RGS6: variants seen among roughly 807,000 people sequenced by gnomAD.
The protein encoded by RGS6 is regulator of G-protein signaling 6.
Under a neutral mutation model 78.5 loss-of-function variants are expected in RGS6, and 30 were observed. The observed-to-expected ratio is 0.38, with a 90% confidence interval of 0.29 to 0.52. The LOEUF is 0.52. RGS6 is among the 20% of genes least tolerant of loss of function. The pLI is 0.85. For missense variants in RGS6, 495 were observed against 609.7 expected (o/e 0.81, Z 1.98); for synonymous variants, 206 against 206.0 (o/e 1.00, Z 0.00).
chr14:71,974,022 G>A (rs1397560462), intron 2 of RGS6, among the ~76,000 whole-genome samples: 1 of 152,112 alleles, frequency 6.6e-6, no homozygotes, highest in African/African-American at 2.4e-5. Flanking sequence ...CCTTTGGTGT[G>A]TTTACGTCTT....
intron 2 of RGS6, among the ~76,000 whole-genome samples, chr14:72,137,431 G>C (rs768107065): frequency 4.6e-5 from 7 of 152,200 alleles, no homozygotes; most frequent in Non-Finnish European, 7.3e-5. Context: ...GATAGCCTCA[G>C]ATCTCACAGG....
the RGS6 span, among the ~76,000 whole-genome samples, chr14:71,887,012 T>C: frequency 6.6e-6 from 1 of 152,116 alleles, no homozygotes; most frequent in Non-Finnish European, 1.5e-5. Context: ...TAGTCAGGCA[T>C]GTTGGTGGGC....
intron 2 of RGS6, among the ~76,000 whole-genome samples, chr14:72,336,374 T>C (rs553803326): frequency 6.6e-6 from 1 of 152,296 alleles, no homozygotes; most frequent in Non-Finnish European, 1.5e-5. Flanking sequence ...AGACAGAGTA[T>C]TGGCTTTCAG....
At chr14:72,497,011 A>G (rs2096654036) in intron 13 of RGS6, among the ~76,000 whole-genome samples, 2 of 152,212 alleles carry the variant, frequency 1.3e-5, no homozygotes, top group Non-Finnish European at 2.9e-5. Flanking sequence ...GATCATAAAT[A>G]TTTAGCTTAT....
the RGS6 span, among the ~76,000 whole-genome samples, chr14:72,583,805 C>G: frequency 1.3e-5 from 2 of 152,314 alleles, no homozygotes; most frequent in South Asian, 4.1e-4. Context: ...CAGTTTGGAT[C>G]TGACTCCTGG....
At chr14:72,473,459 T>A (rs891813027) in intron 9 of RGS6, among the ~76,000 whole-genome samples, 4 of 151,986 alleles carry the variant, frequency 2.6e-5, no homozygotes, top group African/African-American at 7.3e-5. Flanking sequence ...AAAAAAAAAA[T>A]TATTCATTCC....
At chr14:72,171,079 C>T (rs2097008174) in intron 2 of RGS6, among the ~76,000 whole-genome samples, 1 of 152,090 alleles carries the variant, frequency 6.6e-6, no homozygotes, top group South Asian at 2.1e-4. Context: ...ATTAAATAAC[C>T]AGCATGTCTA....
intron 3 of RGS6, among the ~76,000 whole-genome samples, chr14:72,445,988 G>C (rs373443573): frequency 6.6e-6 from 1 of 152,150 alleles, no homozygotes; most frequent in African/African-American, 2.4e-5. Context: ...GCCAGTCATC[G>C]TGGTTCACAC....
chr14:72,292,258 T>TTGTTC (rs1663599615), intron 2 of RGS6, among the ~76,000 whole-genome samples: 1 of 152,128 alleles, frequency 6.6e-6, no homozygotes, highest in Non-Finnish European at 1.5e-5. Context: ...CAGCTGTCGT[T>TTGTTC]TGTTCTCCTC....
intron 2 of RGS6, among the ~76,000 whole-genome samples, chr14:72,157,179 A>G (rs149683): frequency 0.68 from 103,503 of 152,098 alleles, 35,341 homozygotes; most frequent in African/African-American, 0.72. Flanking sequence ...GAGAAAAATA[A>G]CATTTGAACA....
At chr14:72,123,919 G>C (rs2096122447) in intron 2 of RGS6, among the ~76,000 whole-genome samples, 1 of 152,184 alleles carries the variant, frequency 6.6e-6, no homozygotes, top group Non-Finnish European at 1.5e-5. Flanking sequence ...GAAGGACTGA[G>C]TACACCCCAA....
chr14:72,302,001 A>G (rs541377056), intron 2 of RGS6, among the ~76,000 whole-genome samples: 20 of 152,240 alleles, frequency 1.3e-4, no homozygotes, highest in Non-Finnish European at 2.8e-4. Context: ...TAATTTCTAC[A>G]TATTTATTAA....
At chr14:72,445,615 A>C (rs534700345) in intron 3 of RGS6, among the ~76,000 whole-genome samples, 3 of 152,296 alleles carry the variant, frequency 2.0e-5, no homozygotes, top group African/African-American at 7.2e-5. Context: ...AAAACAATTG[A>C]GGAAAAATTT....
intron 17 of RGS6, chr14:72,541,635 T>C: frequency 1.3e-6 from 2 of 1,534,676 alleles, no homozygotes; most frequent in Non-Finnish European, 8.7e-7. Context: ...TGGGATCCCA[T>C]CTCTCTCTGT....
At chr14:72,391,594 T>C (rs557060991) in intron 3 of RGS6, among the ~76,000 whole-genome samples, 8 of 152,320 alleles carry the variant, frequency 5.3e-5, no homozygotes, top group African/African-American at 1.9e-4. Context: ...TAACATCTGT[T>C]ACATATATGT....
intron 2 of RGS6, among the ~76,000 whole-genome samples, chr14:71,972,246 T>C (rs1285899004): frequency 2.0e-5 from 3 of 151,972 alleles, no homozygotes; most frequent in Non-Finnish European, 4.4e-5. Flanking sequence ...TACACAAAGA[T>C]GTGAATACCA....
chr14:72,530,270 A>G (rs146418999), intron 15 of RGS6, among the ~76,000 whole-genome samples: 88 of 152,362 alleles, frequency 5.8e-4, no homozygotes, highest in Admixed American at 9.8e-4. Context: ...AGGCACTATG[A>G]TAGGCTTTTC....
intron 3 of RGS6, among the ~76,000 whole-genome samples, chr14:72,375,697 G>A (rs1460297700): frequency 3.9e-5 from 6 of 152,132 alleles, no homozygotes; most frequent in Non-Finnish European, 8.8e-5. Flanking sequence ...TGGAAAAGTT[G>A]CACCGCTACC....
chr14:72,225,635 C>G (rs969428342), intron 2 of RGS6, among the ~76,000 whole-genome samples: 1 of 152,144 alleles, frequency 6.6e-6, no homozygotes, highest in Admixed American at 6.6e-5. Context: ...AGCCAAAAAC[C>G]ATTCGCTTTA....
Sources: allele counts gnomAD v4.1 joint callset (sites outside exome capture counted in the v4.1 genomes callset), GRCh38; gene constraint gnomAD v4.1.1; transcripts MANE v1.5; gene names NCBI Gene and HGNC (gene_info 2026-07-23, HGNC 2026-07-21).